The following TGFBI variants were observed in gnomAD, a reference collection of about 807,000 sequenced individuals.
TGFBI encodes the protein transforming growth factor beta induced.
In TGFBI, 50 loss-of-function variants were observed where a neutral mutation model predicts 73.7. That is an observed-to-expected ratio of 0.68 (90% CI 0.54 to 0.86). The LOEUF (loss-of-function observed/expected upper bound fraction) is 0.86. Ranked by LOEUF, TGFBI falls within the 40% of genes least tolerant of loss-of-function variation. The pLI, the probability that TGFBI is intolerant of heterozygous loss-of-function variation, is 0.00. For missense variants in TGFBI, 839 were observed against 877.0 expected (o/e 0.96, Z 0.55); for synonymous variants, 362 against 360.5 (o/e 1.00, Z -0.05).
chr5:136,049,218 G>C, intron 6 of TGFBI: 1 of 527,326 alleles, frequency 1.9e-6, no homozygotes, highest in South Asian at 3.0e-5. Flanking sequence ...AGGAAAGGCA[G>C]GTTAAGGACA....
chr5:136,055,054 G>A, intron 10 of TGFBI, 193 bp downstream of exon 10: 1 of 681,956 alleles, frequency 1.5e-6, no homozygotes, highest in Non-Finnish European at 2.4e-6. Context: ...TTTTTCTGGA[G>A]GCCTTTGAGA....
At position 136,063,337 on chromosome 5, in the gene TGFBI, C is replaced by T. The variant is rs548337176; in HGVS notation, c.*111C>T. ...AAACCAAGTATCACACTTTAATGTA[C>T]ATGGGCCGCACCATAATGAGATGTG... On this transcript the variant is annotated 3_prime_UTR_variant, in exon 17 of 17. Transcript: ENST00000442011. 2.8e-5 allele frequency: 26 copies of T among 942,948 alleles called. No homozygotes were observed. Among genetic ancestry groups the T allele is most frequent in the Middle Eastern group, 2.1e-4 (1 of 4,774 alleles). 58.4% of individuals were successfully genotyped at this position (942,948 alleles called of 1,614,324 possible). A position where few individuals can be genotyped will look rare whatever the true frequency, so the allele number is the denominator to read the frequency against.
Position 136,060,926 on chromosome 5 carries a change from G to A in TGFBI, c.1896G>A (p.Leu632=), listed in dbSNP as rs1282169715. 1 of 1,573,638 alleles carries A rather than the reference G, an allele frequency of 6.4e-7. No homozygotes were observed. The highest frequency in any genetic ancestry group is 8.7e-7 in the Non-Finnish European group (1 of 1,153,668). Residue 632 remains leucine, a synonymous_variant, in exon 14 of 17, where the codon CTG becomes CTA. Coordinates refer to ENST00000442011, the MANE Select transcript of TGFBI (RefSeq NM_000358.3). ...TGGTCCATGTCATCACCAATGTTCT[G>A]CAGCCTCCAGGTAAGTGTCGCATCC... ...NGVVHVITNV[L]QPPANRPQER...
intron 2 of TGFBI, among the ~76,000 whole-genome samples, chr5:136,042,090 G>C (rs573694323): frequency 1.3e-5 from 2 of 152,284 alleles, no homozygotes; most frequent in South Asian, 4.1e-4. Context: ...TAAGTTTGGG[G>C]GGACTTGACC....
intron 9 of TGFBI, 96 bp from the exon 10 acceptor site, chr5:136,054,620 A>C: frequency 6.5e-7 from 1 of 1,548,566 alleles, no homozygotes; most frequent in Middle Eastern, 1.7e-4. Context: ...TTCCAAACTC[A>C]AGGAGGGATG....
Position 136,062,687 on chromosome 5 carries a change from G to C in TGFBI, c.2011G>C (p.Ala671Pro). The change falls in exon 16 of 17, where the codon GCC (alanine) becomes CCC (proline). Residue 671 changes from alanine to proline, a missense_variant and splice_region_variant. Physicochemically the swap from Ala to Pro is conservative, Grantham distance 27. Transcript: ENST00000442011. Reference protein sequence around the residue: ...SRASQRSVRLAPVYQKLLERM... With the variant: ...SRASQRSVRLPPVYQKLLERM... ...GGCTTCCCAGAGGTCTGTGCGACTAGGTGAGTCTGGTCTGGGTTTGAAGTC... is the reference window on the plus strand; with the variant it reads ...GGCTTCCCAGAGGTCTGTGCGACTACGTGAGTCTGGTCTGGGTTTGAAGTC... 1 of 1,567,540 alleles carries C rather than the reference G, an allele frequency of 6.4e-7. No homozygotes were observed.
intron 13 of TGFBI, among the ~76,000 whole-genome samples, chr5:136,060,046 G>T (rs1358670428): frequency 6.6e-6 from 1 of 152,178 alleles, no homozygotes; most frequent in Non-Finnish European, 1.5e-5. Context: ...GATTTGCCCT[G>T]GGTGGGCCTC....
In TGFBI at chr5:136,029,190, G is replaced by A; in HGVS notation, c.134+1G>A. On this transcript the variant is annotated splice_donor_variant, in intron 1 of 16. Transcript: ENST00000442011. LOFTEE classifies it high-confidence loss of function. Reference sequence around the variant, plus strand: ...GCAGGCTCCGGGGCCGCCAGCACGGGTAAGCCGAGCCGCCTGGCCAGGGGC... The same window carrying A: ...GCAGGCTCCGGGGCCGCCAGCACGGATAAGCCGAGCCGCCTGGCCAGGGGC... 1 of 1,492,128 alleles carries A rather than the reference G, an allele frequency of 6.7e-7. No homozygotes were observed. The highest frequency in any genetic ancestry group is 8.9e-7 in the Non-Finnish European group (1 of 1,126,058). The allele number at this position is 1,492,128 out of a possible 1,614,324, so 92.4% of individuals were successfully genotyped here.
chr5:136,046,439 C>T lies in TGFBI; in HGVS notation c.403C>T (p.Pro135Ser), dbSNP rs1357150639. ...GAAGCTGAGGCCTGAGATGGAGGGG[C>T]CCGGCAGCTTCACCATCTTCGCCCC... Reference protein sequence around the residue: ...TEKLRPEMEGPGSFTIFAPSN... With the variant: ...TEKLRPEMEGSGSFTIFAPSN... Residue 135 changes from proline to serine, a missense_variant, in exon 4 of 17, where the codon CCC (proline) becomes TCC (serine). Physicochemically the swap from Pro to Ser is moderately conservative, Grantham distance 74. Transcript: ENST00000442011. 6.2e-7 allele frequency: 1 copy of T among 1,613,558 alleles called. No individual in the cohort carries two copies. Among genetic ancestry groups the T allele is most frequent in the Admixed American group, 1.7e-5 (1 of 59,998 alleles).
chr5:136,045,509 C>T (rs1222440853), intron 3 of TGFBI, among the ~76,000 whole-genome samples: 1 of 152,106 alleles, frequency 6.6e-6, no homozygotes, highest in East Asian at 1.9e-4. Flanking sequence ...AGGGCCGTTG[C>T]ACTCCAGCCT....
At chr5:136,033,016 T>G (rs189329354) in intron 1 of TGFBI, among the ~76,000 whole-genome samples, 1 of 152,138 alleles carries the variant, frequency 6.6e-6, no homozygotes, top group African/African-American at 2.4e-5. Flanking sequence ...TTCGTGCTCC[T>G]TCTACACCCT....
intron 2 of TGFBI, among the ~76,000 whole-genome samples, chr5:136,038,168 T>G (rs1361572794): frequency 6.6e-6 from 1 of 152,174 alleles, no homozygotes; most frequent in Non-Finnish European, 1.5e-5. Context: ...TTCTGTAAAC[T>G]AGGAGGCTGA....
chr5:136,056,550 C>T (rs1010679779), intron 11 of TGFBI, 115 bp from the exon 12 acceptor site: 1 of 1,416,688 alleles, frequency 7.1e-7, no homozygotes, highest in Non-Finnish European at 9.8e-7. Context: ...TTCCAGTGGC[C>T]TGGACTCTAC....
chr5:136,029,327 C>G (rs1751066832), intron 1 of TGFBI, 138 bp downstream of exon 1: 3 of 1,032,174 alleles, frequency 2.9e-6, no homozygotes, highest in Middle Eastern at 3.2e-4. Context: ...ATGGAGCGCT[C>G]GGACACCAGC....
intron 7 of TGFBI, among the ~76,000 whole-genome samples, chr5:136,052,453 ATT>A (rs1751554017): frequency 6.6e-6 from 1 of 152,194 alleles, no homozygotes; most frequent in African/African-American, 2.4e-5. Context: ...AGGTGAGTAG[ATT>A]TCTAAAATCC....
intron 1 of TGFBI, among the ~76,000 whole-genome samples, chr5:136,030,640 G>A (rs964998438): frequency 5.9e-5 from 9 of 152,100 alleles, no homozygotes; most frequent in Non-Finnish European, 1.0e-4. Flanking sequence ...AAAGATGAGA[G>A]GGATATGAGG....
At position 136,044,058 on chromosome 5, in the gene TGFBI, A is replaced by G. The variant is rs768375107; in HGVS notation, c.234A>G (p.Thr78=). ...WYQRKICGKS[T]VISYECCPGY... ...ACAATGTATGGTTGTCTTGTTACAG[A>G]GTCATCAGCTACGAGTGCTGTCCTG... Residue 78 remains threonine (T), a splice_region_variant and synonymous_variant, in exon 3 of 17, where the codon ACA becomes ACG. Transcript: ENST00000442011. 4.3e-6 allele frequency: 7 copies of G among 1,613,148 alleles called. No homozygotes were observed. Among genetic ancestry groups the G allele is most frequent in the Non-Finnish European group, 5.1e-6 (6 of 1,179,346 alleles).
At chr5:136,040,272 T>C (rs1222487429) in intron 2 of TGFBI, among the ~76,000 whole-genome samples, 1 of 152,204 alleles carries the variant, frequency 6.6e-6, no homozygotes, top group African/African-American at 2.4e-5. Flanking sequence ...TGAAACTTTC[T>C]TCTAAATTAG....
chr5:136,047,493 T>A, intron 6 of TGFBI, 73 bp downstream of exon 6: 1 of 1,580,844 alleles, frequency 6.3e-7, no homozygotes, highest in Non-Finnish European at 8.6e-7. Flanking sequence ...GCAGGAACTC[T>A]TCTGCAGGAG....
Sources: allele counts gnomAD v4.1 joint callset (sites outside exome capture counted in the v4.1 genomes callset), GRCh38; gene constraint gnomAD v4.1.1; transcripts MANE v1.5; gene names NCBI Gene and HGNC (gene_info 2026-07-23, HGNC 2026-07-21).